Variants in TEF observed in about 807,000 individuals in gnomAD.
TEF encodes thyrotroph embryonic factor.
TEF carries 3 observed loss-of-function variants against 20.8 expected under a neutral mutation model. The ratio of observed to expected loss-of-function variants is 0.14; its 90% confidence interval spans 0.07 to 0.37. TEF has a LOEUF of 0.37. Among genes scored for constraint, TEF ranks in the 10% least tolerant of loss-of-function variants. The pLI is 1.00. For synonymous variants in TEF, 180 were observed against 171.1 expected, an observed-to-expected ratio of 1.05 and a Z score of -0.41; for missense variants, 296 against 397.9, an observed-to-expected ratio of 0.74 and a Z score of 2.18.
chr22:41,371,786 T>C (rs992733740), intron 1 of TEF, among the ~76,000 whole-genome samples: 4 of 152,176 alleles, frequency 2.6e-5, no homozygotes, highest in East Asian at 1.9e-4. Context: ...TGGAAACACA[T>C]GCTGAGGCTC....
chr22:41,367,657 G>A, intron 1 of TEF: 1 of 1,504,802 alleles, frequency 6.6e-7, no homozygotes, highest in Non-Finnish European at 9.0e-7. Context: ...GGGGCGAGGG[G>A]GCAGCCACAG....
chr22:41,367,580 T>C (rs1357537771), exon 1 of TEF: 2 of 1,551,234 alleles, frequency 1.3e-6, no homozygotes, highest in Admixed American at 2.0e-5. Context: ...ACTCTCTGCC[T>C]TGGCCAGAGA....
intron 1 of TEF, among the ~76,000 whole-genome samples, chr22:41,372,610 A>C (rs1212221349): frequency 6.6e-6 from 1 of 152,024 alleles, no homozygotes; most frequent in Non-Finnish European, 1.5e-5. Context: ...TGTGGGTACC[A>C]TGTCTCGGGT....
In TEF at chr22:41,369,838, C is replaced by T. The variant is rs533697890; in HGVS notation, c.67+2239C>T. 2.0e-5 allele frequency: 19 copies of T among 943,182 alleles called. No homozygotes were observed. In the South Asian group the frequency reaches 5.4e-4, roughly 27 times the overall value. 58.4% of individuals were successfully genotyped at this position (943,182 alleles called of 1,614,324 possible). Reference sequence around the variant, plus strand: ...GAAAACAGGGATGCCCTCAGGTCCGCGTGCCCTTGCTTTGGTGGACTTCCT... The same window carrying T: ...GAAAACAGGGATGCCCTCAGGTCCGTGTGCCCTTGCTTTGGTGGACTTCCT... On this transcript the variant is annotated intron_variant, in intron 1 of 3. Coordinates refer to the TEF transcript ENST00000406644.
At chr22:41,379,902 A>T (rs552400819), upstream of TEF, among the ~76,000 whole-genome samples, 8 of 93,976 alleles carry the variant, frequency 8.5e-5, no homozygotes, top group East Asian at 1.7e-3. Context: ...TCAAAAAAAA[A>T]AAAAAGAAAA....
Position 41,397,002 on chromosome 22 carries a change from C to T in TEF, c.*1042C>T, listed in dbSNP as rs560033046. 2.3e-5 allele frequency: 9 copies of T among 398,744 alleles called. No individual in the cohort carries two copies. The Admixed American group carries it at 3.1e-4, about 14-fold the overall frequency. 24.7% of individuals were successfully genotyped at this position (398,744 alleles called of 1,614,324 possible). On this transcript the variant is annotated 3_prime_UTR_variant, in exon 4 of 4. Coordinates refer to ENST00000266304, the MANE Select transcript of TEF (RefSeq NM_003216.4). ...CTCCCTTTTTTCTTGCTCTGCTCAC[C>T]GGTGTGGCCTGGGCTGGAGTGCACT...
chr22:41,378,343 CTTTT>C (rs58676366), upstream of TEF, among the ~76,000 whole-genome samples: 5 of 83,558 alleles, frequency 6.0e-5, no homozygotes, highest in Non-Finnish European at 2.2e-5. Flanking sequence ...TAACTTTTGC[CTTTT>C]TTTTTTTTTT....
chr22:41,382,853 G>A (rs1258306637), intron 1 of TEF: 1 of 469,656 alleles, frequency 2.1e-6, no homozygotes, highest in Non-Finnish European at 4.4e-6. Flanking sequence ...GAAACGATGA[G>A]GGTCAGATGA....
Position 41,385,361 on chromosome 22 carries a change from A to G in TEF, c.158-1990A>G, listed in dbSNP as rs1011593413. ...GGCAACAAGAGCGAAACTCCTTCTC[A>G]TAAAAAAAAAAAAGTTATTTCTAAT... On this transcript the variant is annotated intron_variant, in intron 1 of 3. Transcript: ENST00000266304. Among the ~76,000 whole-genome samples, 4 of 152,026 alleles carry G rather than the reference A, an allele frequency of 2.6e-5. No individual in the cohort carries two copies. The South Asian group carries it at 6.2e-4, about 24-fold the overall frequency.
At chr22:41,393,879 C>T (rs927562099) in intron 2 of TEF, among the ~76,000 whole-genome samples, 1 of 151,984 alleles carries the variant, frequency 6.6e-6, no homozygotes, top group Non-Finnish European at 1.5e-5. Context: ...TCCTTTTGAG[C>T]ATTCTGTTCC....
chr22:41,381,757 T>TA (rs1385316132), upstream of TEF, among the ~76,000 whole-genome samples: 3 of 151,638 alleles, frequency 2.0e-5, no homozygotes, highest in African/African-American at 7.3e-5. Flanking sequence ...CGCACGTGTC[T>TA]ATCTTATCCC....
In TEF at chr22:41,398,113, T is replaced by C. The variant is rs2037251939; in HGVS notation, c.*2153T>C. 6.6e-6 allele frequency: 1 copy of C among 152,062 alleles called. No individual in the cohort carries two copies. Among genetic ancestry groups the C allele is most frequent in the South Asian group, 2.1e-4 (1 of 4,818 alleles). 9.4% of individuals were successfully genotyped at this position (152,062 alleles called of 1,614,324 possible). ...GAAAGAGTGTGGCTGCTGGACTCTT[T>C]TCGAAATGCCCCTCTGAGTCAGGAG... On this transcript the variant is annotated 3_prime_UTR_variant, in exon 4 of 4. Coordinates refer to ENST00000266304, the MANE Select transcript of TEF (RefSeq NM_003216.4).
At chr22:41,390,495 C>CTTTTTT (rs11358311) in intron 2 of TEF, among the ~76,000 whole-genome samples, 148 of 80,322 alleles carry the variant, frequency 1.8e-3, no homozygotes, top group Middle Eastern at 9.1e-3. Flanking sequence ...TCATTGTCAT[C>CTTTTTT]TTTTTTTTTT....
intron 1 of TEF, 50 bp downstream of exon 1, chr22:41,382,251 G>C (rs2037039342): frequency 8.4e-7 from 1 of 1,185,856 alleles, no homozygotes; most frequent in Non-Finnish European, 1.1e-6. Flanking sequence ...GCTTATACAG[G>C]GGCGGGGCCT....
chr22:41,386,355 C>G (rs138155631), intron 1 of TEF, among the ~76,000 whole-genome samples: 1 of 152,102 alleles, frequency 6.6e-6, no homozygotes, highest in African/African-American at 2.4e-5. Flanking sequence ...GCAGGAGAAT[C>G]GCTTGAACCA....
At chr22:41,380,914 A>G (rs1372986741), upstream of TEF, among the ~76,000 whole-genome samples, 2 of 152,230 alleles carry the variant, frequency 1.3e-5, no homozygotes, top group African/African-American at 2.4e-5. Context: ...AGAATTTCAC[A>G]TCTGTTTGGG....
chr22:41,373,767 CTT>C (rs34394084), intron 1 of TEF, among the ~76,000 whole-genome samples: 10 of 125,544 alleles, frequency 8.0e-5, no homozygotes, highest in African/African-American at 9.3e-5. Flanking sequence ...CACGCCCGGA[CTT>C]TTTTTTTTTT....
intron 1 of TEF, 104 bp downstream of exon 1, chr22:41,382,305 T>A: frequency 1.0e-6 from 1 of 982,460 alleles, no homozygotes; most frequent in Non-Finnish European, 1.3e-6. Context: ...GGAGCAGTGG[T>A]CCAGCGGAGG....
intron 1 of TEF, among the ~76,000 whole-genome samples, chr22:41,372,172 G>C (rs1360157229): frequency 6.6e-6 from 1 of 152,176 alleles, no homozygotes; most frequent in East Asian, 1.9e-4. Flanking sequence ...ATTCTGGTGA[G>C]AAAATGAACA....
Sources: gnomAD v4.1 joint callset for allele counts (sites outside exome capture counted in the v4.1 genomes callset) on GRCh38, gnomAD v4.1.1 for gene constraint, MANE v1.5 for transcripts, NCBI Gene and HGNC (gene_info 2026-07-23, HGNC 2026-07-21) for gene names.